CSMD1: variants seen among roughly 807,000 people sequenced by gnomAD.
CSMD1 encodes CUB and sushi domain-containing protein 1.
CSMD1 carries 213 observed loss-of-function variants against 417.5 expected under a neutral mutation model. The observed-to-expected ratio is 0.51, with a 90% confidence interval of 0.46 to 0.57. The LOEUF (loss-of-function observed/expected upper bound fraction) is 0.57, where lower values mean the gene tolerates loss of function less well. CSMD1 is among the 20% of genes least tolerant of loss of function. The pLI is 0.00. For synonymous variants in CSMD1, 2,862 were observed against 1,736.8 expected (o/e 1.65, Z -16.11); for missense variants, 6,923 against 4,529.7 (o/e 1.53, Z -15.17).
chr8:4,164,910 T>C (rs1797368394), intron 3 of CSMD1, among the ~76,000 whole-genome samples: 1 of 151,506 alleles, frequency 6.6e-6, no homozygotes, highest in Non-Finnish European at 1.5e-5. Flanking sequence ...TATGTATATA[T>C]ATAGTTTGAT....
chr8:3,320,879 C>A (rs1806108974), intron 23 of CSMD1, among the ~76,000 whole-genome samples: 1 of 152,174 alleles, frequency 6.6e-6, no homozygotes, highest in African/African-American at 2.4e-5. Context: ...CACACTTTTG[C>A]CCCTGACATG....
chr8:2,974,223 G>A (rs1804722848), intron 56 of CSMD1, among the ~76,000 whole-genome samples: 1 of 152,230 alleles, frequency 6.6e-6, no homozygotes, highest in South Asian at 2.1e-4. Context: ...AGACTCTCCT[G>A]AGAACCCCGG....
intron 1 of CSMD1, among the ~76,000 whole-genome samples, chr8:4,656,318 A>G (rs184398778): frequency 4.6e-5 from 7 of 152,170 alleles, no homozygotes; most frequent in African/African-American, 1.7e-4. Context: ...TCTGAGAGGC[A>G]ACCTTCAGGG....
intron 26 of CSMD1, among the ~76,000 whole-genome samples, chr8:3,267,692 T>C (rs930731873): frequency 7.9e-5 from 12 of 152,180 alleles, no homozygotes; most frequent in Admixed American, 4.6e-4. Flanking sequence ...AGCAGCAGTA[T>C]AGAGTAACGG....
At chr8:4,393,322 A>C (rs1371675664) in intron 3 of CSMD1, among the ~76,000 whole-genome samples, 2 of 152,172 alleles carry the variant, frequency 1.3e-5, no homozygotes, top group East Asian at 3.9e-4. Flanking sequence ...AAGGAATATC[A>C]CAAAGTTGAG....
chr8:3,297,037 G>A (rs1160732773), intron 25 of CSMD1, among the ~76,000 whole-genome samples: 1 of 152,142 alleles, frequency 6.6e-6, no homozygotes, highest in Non-Finnish European at 1.5e-5. Flanking sequence ...AATAGAAGAG[G>A]ACTATGGATT....
At chr8:4,258,315 G>C (rs1429478327) in intron 3 of CSMD1, among the ~76,000 whole-genome samples, 1 of 105,728 alleles carries the variant, frequency 9.5e-6, no homozygotes, top group East Asian at 2.7e-4. Flanking sequence ...GAGTGAGGGA[G>C]GAGAGGGAGA....
intron 5 of CSMD1, among the ~76,000 whole-genome samples, chr8:3,869,055 C>A (rs765847078): frequency 1.3e-5 from 2 of 152,216 alleles, no homozygotes; most frequent in African/African-American, 4.8e-5. Flanking sequence ...AGGGTCCCTT[C>A]GTGGCTGCCA....
intron 4 of CSMD1, among the ~76,000 whole-genome samples, chr8:4,012,565 C>T (rs1034529706): frequency 4.6e-5 from 7 of 152,082 alleles, no homozygotes; most frequent in South Asian, 2.1e-4. Flanking sequence ...GTTATTCAAC[C>T]GTCACCACCT....
At chr8:4,022,547 G>A (rs1384008238) in intron 4 of CSMD1, among the ~76,000 whole-genome samples, 2 of 152,188 alleles carry the variant, frequency 1.3e-5, no homozygotes, top group African/African-American at 4.8e-5. Context: ...ACAAGAAGGT[G>A]TCATGAAACA....
At chr8:4,337,348 T>C (rs999772964) in intron 3 of CSMD1, among the ~76,000 whole-genome samples, 3 of 152,052 alleles carry the variant, frequency 2.0e-5, no homozygotes, top group Non-Finnish European at 4.4e-5. Context: ...ACCGACATTG[T>C]TGCAAACTTC....
chr8:3,004,513 G>A (rs1807704295), intron 52 of CSMD1, among the ~76,000 whole-genome samples: 1 of 152,130 alleles, frequency 6.6e-6, no homozygotes, highest in East Asian at 1.9e-4. Context: ...AGAAGCAAAT[G>A]GTTGAAGAAT....
At chr8:3,540,576 A>G (rs1480459754) in intron 10 of CSMD1, among the ~76,000 whole-genome samples, 1 of 152,236 alleles carries the variant, frequency 6.6e-6, no homozygotes, top group Non-Finnish European at 1.5e-5. Flanking sequence ...AAAAGAAACT[A>G]TCATCTGAGT....
chr8:4,281,276 G>T (rs755744356), intron 3 of CSMD1, among the ~76,000 whole-genome samples: 1 of 152,176 alleles, frequency 6.6e-6, no homozygotes, highest in Non-Finnish European at 1.5e-5. Context: ...CAGCATTATG[G>T]GAAAATAGAA....
chr8:4,682,818 C>A (rs185098096), intron 1 of CSMD1, among the ~76,000 whole-genome samples: 1 of 151,180 alleles, frequency 6.6e-6, no homozygotes, highest in Non-Finnish European at 1.5e-5. Flanking sequence ...TATGATTTCA[C>A]ATTAAACTAA....
intron 3 of CSMD1, among the ~76,000 whole-genome samples, chr8:4,353,137 G>C (rs1379962405): frequency 6.6e-6 from 1 of 152,064 alleles, no homozygotes; most frequent in Non-Finnish European, 1.5e-5. Context: ...GATATGGTTT[G>C]GCTGTGTCCC....
At chr8:4,290,006 C>T (rs1585167515) in intron 3 of CSMD1, among the ~76,000 whole-genome samples, 2 of 152,276 alleles carry the variant, frequency 1.3e-5, no homozygotes, top group South Asian at 4.1e-4. Flanking sequence ...GTGTTATGTG[C>T]TAAGCACTCT....
At chr8:4,326,012 G>C (rs545834329) in intron 3 of CSMD1, among the ~76,000 whole-genome samples, 22 of 152,236 alleles carry the variant, frequency 1.4e-4, no homozygotes, top group African/African-American at 5.3e-4. Flanking sequence ...AAAGACGTTG[G>C]CTCGCTATTT....
At chr8:3,607,942 G>A (rs1333124815) in intron 8 of CSMD1, among the ~76,000 whole-genome samples, 1 of 152,166 alleles carries the variant, frequency 6.6e-6, no homozygotes, top group Non-Finnish European at 1.5e-5. Flanking sequence ...GGCCAAGGCA[G>A]GCGGATCACT....
Sources: allele counts gnomAD v4.1 joint callset (sites outside exome capture counted in the v4.1 genomes callset), GRCh38; gene constraint gnomAD v4.1.1; transcripts MANE v1.5; gene names NCBI Gene and HGNC (gene_info 2026-07-23, HGNC 2026-07-21).